The following CDH23 variants were observed in gnomAD, a reference collection of about 807,000 sequenced individuals.
CDH23 encodes cadherin-23.
In CDH23, 189 loss-of-function variants were observed where a neutral mutation model predicts 317.1. The observed-to-expected ratio is 0.60, with a 90% CI of 0.53 to 0.67. The LOEUF (loss-of-function observed/expected upper bound fraction) is 0.67. CDH23 is among the 30% of genes least tolerant of loss of function. The pLI is 0.00. For synonymous variants in CDH23, 1,839 were observed against 1,876.8 expected, an observed-to-expected ratio of 0.98 and a Z score of 0.52; for missense variants, 4,401 against 4,592.4, an observed-to-expected ratio of 0.96 and a Z score of 1.20.
intron 8 of CDH23, among the ~76,000 whole-genome samples, chr10:71,571,171 C>T (rs951651909): frequency 2.6e-5 from 4 of 152,216 alleles, no homozygotes; most frequent in African/African-American, 4.8e-5. Context: ...GGGCAAGTAA[C>T]GGGGAGCCAT....
intron 3 of CDH23, among the ~76,000 whole-genome samples, chr10:71,486,239 T>A (rs1036312861): frequency 7.2e-5 from 11 of 152,224 alleles, no homozygotes; most frequent in African/African-American, 1.9e-4. Flanking sequence ...CTCCTCTGCA[T>A]CTAGGGATGT....
intron 34 of CDH23, among the ~76,000 whole-genome samples, chr10:71,735,124 G>A (rs1839522746): frequency 1.3e-5 from 2 of 152,254 alleles, no homozygotes; most frequent in South Asian, 4.1e-4. Context: ...GGAAGCAGAT[G>A]TGACTGCAGT....
chr10:71,785,665 G>T lies in CDH23; in HGVS notation c.5747G>T (p.Arg1916Leu). The change falls in exon 44 of 70, where the codon CGC becomes CTC. Residue 1916 changes from arginine (R) to leucine (L), a missense_variant. Arg to Leu is a moderately radical substitution (Grantham distance 102). Coordinates refer to ENST00000224721, the MANE Select transcript of CDH23 (RefSeq NM_022124.6). ...GTCACTGTGAACCGGCCCCTGGACC[G>T]CGAGCGGATCCCAGAGTACAAGCTG... ...GIVTVNRPLD[R>L]ERIPEYKLTI... 1 of 1,607,134 alleles carries T rather than the reference G, an allele frequency of 6.2e-7. No homozygotes were observed. Among genetic ancestry groups the T allele is most frequent in the Non-Finnish European group, 8.5e-7 (1 of 1,176,946 alleles).
At position 71,497,237 on chromosome 10, in the gene CDH23, G is replaced by A. The variant is rs182469749; in HGVS notation, c.146-12845G>A. On this transcript the variant is annotated intron_variant, in intron 3 of 69. Transcript: ENST00000224721. ...ATGATAATGTCAAGTTCAATTTGCC[G>A]TCATTTTTCAACATTTCCTTTTGTA... 7.5e-3 allele frequency among the ~76,000 whole-genome samples: 1,136 copies of A among 152,224 alleles called. 10 individuals are homozygous for A. Among genetic ancestry groups the A allele is most frequent in the Non-Finnish European group, 0.011 (773 of 68,026 alleles).
intron 6 of CDH23, among the ~76,000 whole-genome samples, chr10:71,524,734 G>A (rs755742934): frequency 1.3e-5 from 2 of 152,154 alleles, no homozygotes; most frequent in Non-Finnish European, 2.9e-5. Context: ...ACATGACAGT[G>A]GATGCAGAGG....
At chr10:71,616,563 G>A (rs1334348769) in intron 10 of CDH23, among the ~76,000 whole-genome samples, 1 of 152,230 alleles carries the variant, frequency 6.6e-6, no homozygotes, top group Non-Finnish European at 1.5e-5. Context: ...ATGTGAGGGT[G>A]TGTTCTCACA....
rs538955066 is a variant in CDH23 at position 71,678,940 on chromosome 10, G to T, written c.1753-447G>T. 1.8e-4 allele frequency among the ~76,000 whole-genome samples: 28 copies of T among 152,258 alleles called. No homozygotes were observed. In the South Asian group the frequency reaches 5.8e-3, roughly 32 times the overall value. On this transcript the variant is annotated intron_variant, in intron 16 of 69. Transcript: ENST00000224721. ...GTCTAAGTGAGGGAGGCAGAAATTA[G>T]ATAAGAAATTACCACTGGGTGTAAG...
intron 3 of CDH23, among the ~76,000 whole-genome samples, chr10:71,475,453 G>T (rs577386771): frequency 6.6e-6 from 1 of 152,330 alleles, no homozygotes; most frequent in South Asian, 2.1e-4. Flanking sequence ...CTAGGAGGGC[G>T]GTTGAGGACA....
intron 34 of CDH23, among the ~76,000 whole-genome samples, chr10:71,736,696 A>G: frequency 6.6e-6 from 1 of 152,214 alleles, no homozygotes; most frequent in East Asian, 1.9e-4. Context: ...AGATCAGAGC[A>G]GTAGTCATTG....
intron 8 of CDH23, among the ~76,000 whole-genome samples, chr10:71,573,084 C>T (rs1226622108): frequency 6.6e-6 from 1 of 152,236 alleles, no homozygotes; most frequent in Non-Finnish European, 1.5e-5. Flanking sequence ...GCAGTGGTGC[C>T]TCCCTCTCCT....
rs996715011 is a variant in CDH23, at chr10:71,492,015, GGAGA to G, written c.146-18063_146-18060del. On this transcript the variant is annotated intron_variant, in intron 3 of 69. Coordinates refer to ENST00000224721, the MANE Select transcript of CDH23 (RefSeq NM_022124.6). ...CAGCTTCACAGTGGTGCCGCACCCT[GGAGA>G]GAGGCAGTTTAAGAGGGAGGCCCCA... Among the ~76,000 whole-genome samples, 159 of 152,308 alleles carry G rather than the reference GGAGA, an allele frequency of 1.0e-3. 1 individual carries two copies. Among genetic ancestry groups the G allele is most frequent in the African/African-American group, 3.7e-3 (152 of 41,570 alleles).
chr10:71,578,519 C>A (rs1159028176), intron 9 of CDH23, among the ~76,000 whole-genome samples: 2 of 152,172 alleles, frequency 1.3e-5, no homozygotes, highest in East Asian at 3.8e-4. Flanking sequence ...AGCCCCCTTG[C>A]CGCCCAGCTG....
chr10:71,600,976 G>A (rs148731583), intron 9 of CDH23, among the ~76,000 whole-genome samples: 2 of 152,244 alleles, frequency 1.3e-5, no homozygotes, highest in South Asian at 2.1e-4. Context: ...ATACTCACTC[G>A]AACCCAAGAT....
At chr10:71,745,434 T>A (rs1839831600) in intron 38 of CDH23, among the ~76,000 whole-genome samples, 1 of 152,134 alleles carries the variant, frequency 6.6e-6, no homozygotes, top group South Asian at 2.1e-4. Context: ...AGGGCAGGAC[T>A]CTCTATTTCC....
intron 43 of CDH23, 115 bp from the exon 44 acceptor site, chr10:71,785,513 CCTT>C: frequency 1.4e-6 from 1 of 690,324 alleles, no homozygotes; most frequent in Non-Finnish European, 2.5e-6. Flanking sequence ...ACATTTTTGG[CCTT>C]CTAGATCATC....
intron 28 of CDH23, among the ~76,000 whole-genome samples, chr10:71,719,401 C>T (rs983346045): frequency 1.6e-4 from 24 of 152,238 alleles, no homozygotes; most frequent in African/African-American, 5.8e-4. Context: ...TAGGACCCTC[C>T]TCTTCCCTTG....
chr10:71,499,568 C>T (rs1466976128), intron 3 of CDH23, among the ~76,000 whole-genome samples: 2 of 145,770 alleles, frequency 1.4e-5, no homozygotes, highest in Non-Finnish European at 1.5e-5. Context: ...AGCCAGGTGC[C>T]GTGGCTCACG....
intron 3 of CDH23, among the ~76,000 whole-genome samples, chr10:71,486,735 A>G (rs747383266): frequency 1.4e-4 from 21 of 151,958 alleles, no homozygotes; most frequent in Non-Finnish European, 2.8e-4. Context: ...CTCTTGGGCT[A>G]CTCTTCATTG....
intron 3 of CDH23, among the ~76,000 whole-genome samples, chr10:71,493,929 T>C (rs1357534603): frequency 6.6e-6 from 1 of 152,236 alleles, no homozygotes; most frequent in African/African-American, 2.4e-5. Context: ...GGATGACTCA[T>C]CATTCAGCAC....
Sources: gnomAD v4.1 joint callset for allele counts (sites outside exome capture counted in the v4.1 genomes callset) on GRCh38, gnomAD v4.1.1 for gene constraint, MANE v1.5 for transcripts, NCBI Gene and HGNC (gene_info 2026-07-23, HGNC 2026-07-21) for gene names.